Variants in FBXO11 observed in about 807,000 individuals in gnomAD.
FBXO11 encodes F-box only protein 11.
FBXO11 carries 13 observed loss-of-function variants against 117.0 expected under a neutral mutation model. The observed-to-expected ratio is 0.11, with a 90% CI of 0.07 to 0.18. The LOEUF (loss-of-function observed/expected upper bound fraction) is 0.18. Ranked by LOEUF, FBXO11 falls within the 10% of genes least tolerant of loss-of-function variation. The pLI is 1.00. For missense variants in FBXO11, 767 were observed against 1,164.4 expected (o/e 0.66, Z 4.97); for synonymous variants, 490 against 380.5 (o/e 1.29, Z -3.35).
rs572085306 is a variant in FBXO11, at chr2:47,861,685, A to T, written c.233-21916T>A. 2.6e-5 allele frequency among the ~76,000 whole-genome samples: 4 copies of T among 152,300 alleles called. No homozygotes were observed. In the South Asian group the frequency reaches 8.3e-4, roughly 32 times the overall value. ...AAGCCAATGTGGCCCAATGAGACACAAGAAGTTAACTTGCTTGGTTTTGGC... is the reference window on the plus strand; with the variant it reads ...AAGCCAATGTGGCCCAATGAGACACTAGAAGTTAACTTGCTTGGTTTTGGC... On this transcript the variant is annotated intron_variant, in intron 1 of 22. Coordinates refer to ENST00000403359, the MANE Select transcript of FBXO11 (RefSeq NM_001190274.2).
intron 12 of FBXO11, 84 bp downstream of exon 12, chr2:47,823,059 T>G (rs1197822049): frequency 1.0e-5 from 10 of 969,246 alleles, no homozygotes; most frequent in African/African-American, 6.6e-5. Context: ...ACAAAAACTT[T>G]CAAGAGTTAA....
At position 47,833,012 on chromosome 2, in the gene FBXO11, A is replaced by T; in HGVS notation, c.993T>A (p.Val331=). The T allele has an allele frequency of 6.2e-7, 1 of 1,613,874 alleles. No homozygotes were observed. Among genetic ancestry groups the T allele is most frequent in the South Asian group, 1.1e-5 (1 of 91,072 alleles). ...IIENTRDSTF[V]FMEGSEDAYV... is the part of the protein sequence containing the mutation. ...AAGCATCTTCAGAGCCTTCCATAAA[A>T]ACGAAGGTTGAATCTCTAGTGTTTT... The change falls in exon 8 of 23, where the codon GTT becomes GTA. Residue 331 remains valine (V), a synonymous_variant. Transcript: ENST00000403359.
At chr2:47,890,057 C>T (rs1347024527) in intron 1 of FBXO11, among the ~76,000 whole-genome samples, 1 of 152,200 alleles carries the variant, frequency 6.6e-6, no homozygotes, top group Non-Finnish European at 1.5e-5. Context: ...CTCAAGCAAT[C>T]CTACTGCCTC....
At position 47,810,302 on chromosome 2, in the gene FBXO11, A is replaced by G; in HGVS notation, c.2338+14T>C. 1 of 1,547,166 alleles carries G rather than the reference A, an allele frequency of 6.5e-7. No individual in the cohort carries two copies. Among genetic ancestry groups the G allele is most frequent in the Non-Finnish European group, 8.8e-7 (1 of 1,131,074 alleles). ...ACTATATATAAGCCACAGGTAAGAA[A>G]AGAAAATACAAACCTGCGGCAAATC... On this transcript the variant is annotated intron_variant, in intron 19 of 22. Transcript: ENST00000403359.
intron 1 of FBXO11, among the ~76,000 whole-genome samples, chr2:47,860,294 T>C (rs1179118659): frequency 6.6e-6 from 1 of 152,084 alleles, no homozygotes; most frequent in African/African-American, 2.4e-5. Flanking sequence ...CCAAAGAATC[T>C]CCAACAGCCA....
At chr2:47,811,072 T>C (rs960134725) in intron 18 of FBXO11, 1 of 152,224 alleles carries the variant, frequency 6.6e-6, no homozygotes, top group African/African-American at 2.4e-5. Context: ...GACCTAAACT[T>C]TCACCTGGAT....
At chr2:47,844,444 C>T (rs1673251164) in intron 1 of FBXO11, among the ~76,000 whole-genome samples, 1 of 152,134 alleles carries the variant, frequency 6.6e-6, no homozygotes, top group Non-Finnish European at 1.5e-5. Flanking sequence ...TATATCCTAT[C>T]CCCATATGTG....
Position 47,825,265 on chromosome 2 carries a change from G to T in FBXO11, c.1399-1905C>A, listed in dbSNP as rs187958510. Among the ~76,000 whole-genome samples, 6 of 151,930 alleles carry T rather than the reference G, an allele frequency of 3.9e-5. No individual in the cohort carries two copies. In the East Asian group the frequency reaches 9.6e-4, roughly 24 times the overall value. On this transcript the variant is annotated intron_variant, in intron 11 of 22. Transcript: ENST00000403359. ...TCTATAACTTATATCTCTATATTTG[G>T]ATTATAACCTTATTCTTTTTTAAAA... is the stretch of plus-strand genomic sequence containing the variant.
chr2:47,858,141 T>C (rs1291941977), intron 1 of FBXO11, among the ~76,000 whole-genome samples: 1 of 151,966 alleles, frequency 6.6e-6, no homozygotes, highest in Non-Finnish European at 1.5e-5. Context: ...AGCCTCACTC[T>C]GTTGCTCAGG....
chr2:47,864,584 T>G (rs72811506), intron 1 of FBXO11, among the ~76,000 whole-genome samples: 1 of 152,060 alleles, frequency 6.6e-6, no homozygotes, highest in African/African-American at 2.4e-5. Flanking sequence ...TAAAACTCCA[T>G]CTCACAAAAA....
intron 1 of FBXO11, among the ~76,000 whole-genome samples, chr2:47,856,427 T>C (rs1674298403): frequency 6.6e-6 from 1 of 152,054 alleles, no homozygotes; most frequent in South Asian, 2.1e-4. Context: ...AATCCCATGA[T>C]AAAGGGTATA....
chr2:47,825,571 C>CTTTTTT (rs751404253), intron 11 of FBXO11, among the ~76,000 whole-genome samples: 116 of 88,202 alleles, frequency 1.3e-3, no homozygotes, highest in Non-Finnish European at 1.6e-3. Context: ...TCTTCTTCTT[C>CTTTTTT]TTTTTTTTTT....
intron 12 of FBXO11, among the ~76,000 whole-genome samples, chr2:47,822,674 G>T (rs1036303481): frequency 2.6e-5 from 4 of 152,082 alleles, no homozygotes; most frequent in African/African-American, 9.7e-5. Context: ...AATACCTTTG[G>T]TTCTACAATT....
chr2:47,842,384 C>T (rs1673082794), intron 1 of FBXO11, among the ~76,000 whole-genome samples: 1 of 152,114 alleles, frequency 6.6e-6, no homozygotes, highest in Non-Finnish European at 1.5e-5. Flanking sequence ...TAGTTCTTGC[C>T]TTGTTGGTAT....
At chr2:47,848,571 G>C (rs1035161095) in intron 1 of FBXO11, among the ~76,000 whole-genome samples, 25 of 152,124 alleles carry the variant, frequency 1.6e-4, no homozygotes, top group Admixed American at 2.6e-4. Flanking sequence ...TTAAAAGTAT[G>C]CTATTTGCAC....
intron 18 of FBXO11, among the ~76,000 whole-genome samples, chr2:47,812,105 T>C (rs1187743623): frequency 6.6e-6 from 1 of 150,898 alleles, no homozygotes; most frequent in Non-Finnish European, 1.5e-5. Flanking sequence ...TTACTGCATA[T>C]GGAAAACCTC....
intron 1 of FBXO11, among the ~76,000 whole-genome samples, chr2:47,876,711 G>C (rs1034880165): frequency 6.6e-6 from 1 of 152,128 alleles, no homozygotes; most frequent in African/African-American, 2.4e-5. Flanking sequence ...TGAGCATCTA[G>C]AAGATTTAAA....
Position 47,822,317 on chromosome 2 carries a change from A to C in FBXO11, c.1617-14T>G, listed in dbSNP as rs771956276. The stretch of plus-strand genomic sequence containing the variant: ...ATAGAATTTCCCCTATAATTATGCG[A>C]AATAAAAAAAAAGAAGACATCTATT... On this transcript the variant is annotated splice_polypyrimidine_tract_variant and intron_variant, in intron 12 of 22. Coordinates refer to ENST00000403359, the MANE Select transcript of FBXO11 (RefSeq NM_001190274.2). The C allele has an allele frequency of 6.6e-7, 1 of 1,518,072 alleles. No individual in the cohort carries two copies. The highest frequency in any genetic ancestry group is 9.0e-7 in the Non-Finnish European group (1 of 1,112,672). The allele number at this position is 1,518,072 out of a possible 1,614,324, so 94.0% of individuals were successfully genotyped here. A position where few individuals can be genotyped will look rare whatever the true frequency, so the allele number is the denominator to read the frequency against.
rs865966281 is a variant in FBXO11 at position 47,900,796 on chromosome 2, A to C, written c.232+4693T>G. 5.6e-3 allele frequency among the ~76,000 whole-genome samples: 561 copies of C among 99,846 alleles called. 9 individuals carry two copies. Among genetic ancestry groups the C allele is most frequent in the Non-Finnish European group, 8.9e-3 (405 of 45,684 alleles). 65.5% of individuals were successfully genotyped at this position (99,846 alleles called of 152,430 possible). On this transcript the variant is annotated intron_variant, in intron 1 of 22. Transcript: ENST00000403359. ...TACACGTATACACACACGTGTATAT[A>C]TATACACGTATACACACACGTGTAT... is the stretch of plus-strand genomic sequence containing the variant.
Sources: allele counts gnomAD v4.1 joint callset (sites outside exome capture counted in the v4.1 genomes callset), GRCh38; gene constraint gnomAD v4.1.1; transcripts MANE v1.5; gene names NCBI Gene and HGNC (gene_info 2026-07-23, HGNC 2026-07-21).